Variants in PDE4D observed in about 807,000 individuals in gnomAD.
The protein encoded by PDE4D is phosphodiesterase 4D.
In PDE4D, 24 loss-of-function variants were observed where a neutral mutation model predicts 87.4. That is an observed-to-expected ratio of 0.27 (90% CI 0.20 to 0.39). The LOEUF (loss-of-function observed/expected upper bound fraction) is 0.39, where lower values mean the gene tolerates loss of function less well. PDE4D is among the 10% of genes least tolerant of loss of function. PDE4D has a pLI of 1.00. For missense variants in PDE4D, 714 were observed against 1,041.0 expected (o/e 0.69, Z 4.32); for synonymous variants, 384 against 383.2 (o/e 1.00, Z -0.02).
chr5:59,592,192 C>T, intron 1 of PDE4D: 1 of 949,646 alleles, frequency 1.1e-6, no homozygotes, highest in Admixed American at 6.2e-5. Context: ...ATTTATAACA[C>T]CAAAAACATT....
intron 1 of PDE4D, among the ~76,000 whole-genome samples, chr5:60,324,765 G>A (rs1756623272): frequency 1.3e-5 from 2 of 152,206 alleles, no homozygotes; most frequent in Admixed American, 1.3e-4. Flanking sequence ...CCTTAAGTCT[G>A]TATAAAATGG....
At chr5:59,518,814 CTG>C (rs1285094759) in intron 1 of PDE4D, among the ~76,000 whole-genome samples, 1 of 152,014 alleles carries the variant, frequency 6.6e-6, no homozygotes, top group Non-Finnish European at 1.5e-5. Flanking sequence ...TTTTTAAAAA[CTG>C]AAATAAAATG....
At chr5:59,180,488 T>C in intron 5 of PDE4D, 107 bp downstream of exon 5, 1 of 869,994 alleles carries the variant, frequency 1.1e-6, no homozygotes, top group Non-Finnish European at 1.9e-6. Flanking sequence ...AGAATTTCTT[T>C]AACATTTTCA....
rs35776313 is a variant in PDE4D, at chr5:58,999,553, G to GTA, written c.922-6090_922-6089dup. 433,045 of 1,050,208 alleles carry GTA rather than the reference G, an allele frequency of 0.41. 57,616 individuals are homozygous for GTA. The highest frequency in any genetic ancestry group is 0.54 in the African/African-American group (31,046 of 57,224). The allele number at this position is 1,050,208 out of a possible 1,614,324, so 65.1% of individuals were successfully genotyped here. On this transcript the variant is annotated intron_variant, in intron 6 of 14. Coordinates refer to ENST00000340635, the MANE Select transcript of PDE4D (RefSeq NM_001104631.2). Reference sequence around the variant, plus strand: ...TTCAGGCATTTTTGATTGATTATATGTATATATATATATATGTATATATAT... The same window carrying GTA: ...TTCAGGCATTTTTGATTGATTATATGTATATATATATATATATGTATATATAT...
At chr5:60,054,705 T>G (rs1370091873) in intron 2 of PDE4D, among the ~76,000 whole-genome samples, 1 of 151,882 alleles carries the variant, frequency 6.6e-6, no homozygotes, top group Non-Finnish European at 1.5e-5. Context: ...AATTATAAAC[T>G]AAAGGATAGT....
Position 59,378,978 on chromosome 5 carries a change from GTT to G in PDE4D, c.456-163012_456-163011del, listed in dbSNP as rs1346229329. 9.5e-3 allele frequency among the ~76,000 whole-genome samples: 756 copies of G among 79,744 alleles called. 6 individuals carry two copies. Among genetic ancestry groups the G allele is most frequent in the African/African-American group, 0.051 (733 of 14,424 alleles). 52.3% of individuals were successfully genotyped at this position (79,744 alleles called of 152,430 possible). On this transcript the variant is annotated intron_variant, in intron 1 of 14. Transcript: ENST00000340635. The stretch of plus-strand genomic sequence containing the variant: ...TGAGTGTGTGTGTCCACGTGTGTGT[GTT>G]TGTGTGTGTGTGTGTGTGTGTGTGA...
At chr5:59,059,620 C>G (rs1291903701) in intron 5 of PDE4D, among the ~76,000 whole-genome samples, 1 of 152,104 alleles carries the variant, frequency 6.6e-6, no homozygotes, top group Non-Finnish European at 1.5e-5. Flanking sequence ...GGTGGAGATG[C>G]AATCTTTAAC....
At chr5:59,234,377 TGAG>T (rs1755909042) in intron 1 of PDE4D, among the ~76,000 whole-genome samples, 2 of 152,182 alleles carry the variant, frequency 1.3e-5, no homozygotes, top group Admixed American at 6.5e-5. Context: ...GCTTTTTTAA[TGAG>T]GAGTCCAAAA....
chr5:60,439,320 C>T (rs1397627014), intron 1 of PDE4D, among the ~76,000 whole-genome samples: 1 of 151,900 alleles, frequency 6.6e-6, no homozygotes, highest in Non-Finnish European at 1.5e-5. Flanking sequence ...AACTTCATTC[C>T]ATCCTTAATA....
At chr5:59,040,485 G>A (rs1385441520) in intron 5 of PDE4D, among the ~76,000 whole-genome samples, 1 of 152,082 alleles carries the variant, frequency 6.6e-6, no homozygotes, top group African/African-American at 2.4e-5. Flanking sequence ...AATCTGGAAG[G>A]GTGTTTCTAC....
At chr5:59,534,175 T>C (rs933991791) in intron 1 of PDE4D, among the ~76,000 whole-genome samples, 1 of 152,212 alleles carries the variant, frequency 6.6e-6, no homozygotes, top group African/African-American at 2.4e-5. Flanking sequence ...ATTTTAGACA[T>C]ATTTTCCAGA....
intron 1 of PDE4D, among the ~76,000 whole-genome samples, chr5:60,251,248 G>GT (rs1332994644): frequency 6.6e-6 from 1 of 151,798 alleles, no homozygotes; most frequent in Non-Finnish European, 1.5e-5. Context: ...ACATGTGCAG[G>GT]TTTGTTATAT....
At chr5:60,188,147 A>G (rs944944539) in intron 1 of PDE4D, 1 of 152,202 alleles carries the variant, frequency 6.6e-6, no homozygotes, top group Non-Finnish European at 1.5e-5. Context: ...TCTACTTTCC[A>G]CTAACCAGTA....
intron 1 of PDE4D, among the ~76,000 whole-genome samples, chr5:59,829,847 T>C (rs1245344504): frequency 6.6e-6 from 1 of 152,020 alleles, no homozygotes; most frequent in Admixed American, 6.6e-5. Flanking sequence ...TGGATAAACC[T>C]GGCGTCACAC....
chr5:59,994,148 T>C (rs544109544), intron 2 of PDE4D, among the ~76,000 whole-genome samples: 1 of 152,106 alleles, frequency 6.6e-6, no homozygotes, highest in South Asian at 2.1e-4. Flanking sequence ...AACTACTTAA[T>C]GGCCTTTAAA....
intron 1 of PDE4D, among the ~76,000 whole-genome samples, chr5:59,864,955 C>T (rs984412013): frequency 6.6e-6 from 1 of 152,274 alleles, no homozygotes; most frequent in South Asian, 2.1e-4. Flanking sequence ...AGCACAGCAG[C>T]AGACAGTCTC....
At chr5:60,198,220 A>C (rs1158662523) in intron 1 of PDE4D, among the ~76,000 whole-genome samples, 2 of 151,522 alleles carry the variant, frequency 1.3e-5, no homozygotes, top group African/African-American at 4.8e-5. Flanking sequence ...GTGGTAGATA[A>C]AATAAACTCC....
chr5:59,520,496 T>C (rs773031314), intron 1 of PDE4D, among the ~76,000 whole-genome samples: 1 of 152,098 alleles, frequency 6.6e-6, no homozygotes, highest in Non-Finnish European at 1.5e-5. Context: ...GGCAAGAAGA[T>C]CTACGTGGGA....
At chr5:59,637,221 C>T (rs1832359133) in intron 1 of PDE4D, among the ~76,000 whole-genome samples, 2 of 151,962 alleles carry the variant, frequency 1.3e-5, no homozygotes, top group African/African-American at 4.8e-5. Context: ...GTTAGAATGA[C>T]GATCATTAAA....
Sources: gnomAD v4.1 joint callset for allele counts (sites outside exome capture counted in the v4.1 genomes callset) on GRCh38, gnomAD v4.1.1 for gene constraint, MANE v1.5 for transcripts, NCBI Gene and HGNC (gene_info 2026-07-23, HGNC 2026-07-21) for gene names.